MTA3: variants seen among roughly 807,000 people sequenced by gnomAD.
MTA3 encodes metastasis-associated protein MTA3.
In MTA3, 34 loss-of-function variants were observed where a neutral mutation model predicts 83.5. That is an observed-to-expected ratio of 0.41 (90% CI 0.31 to 0.54). MTA3 has a LOEUF of 0.54. MTA3 is among the 20% of genes least tolerant of loss of function. MTA3 has a pLI of 0.33. For synonymous variants in MTA3, 303 were observed against 252.7 expected (o/e 1.20, Z -1.89); for missense variants, 761 against 726.4 (o/e 1.05, Z -0.55).
chr2:42,521,858 G>A (rs1675443816), intron 2 of MTA3, among the ~76,000 whole-genome samples: 1 of 147,938 alleles, frequency 6.8e-6, no homozygotes, highest in Non-Finnish European at 1.5e-5. Flanking sequence ...CGGTTCAAGT[G>A]ATTCTTCTGC....
intron 16 of MTA3, among the ~76,000 whole-genome samples, chr2:42,748,287 A>G (rs1573847421): frequency 6.7e-6 from 1 of 149,698 alleles, no homozygotes; most frequent in Non-Finnish European, 1.5e-5. Context: ...GATGGTTTCC[A>G]TCTCCTGACC....
At chr2:42,606,486 GC>G (rs1355509261) in intron 3 of MTA3, among the ~76,000 whole-genome samples, 1 of 150,970 alleles carries the variant, frequency 6.6e-6, no homozygotes, top group Non-Finnish European at 1.5e-5. Flanking sequence ...ATGATGTGCG[GC>G]CGGGCAGAGA....
chr2:42,514,117 G>A (rs566951235), intron 2 of MTA3, among the ~76,000 whole-genome samples: 2 of 152,254 alleles, frequency 1.3e-5, no homozygotes, highest in South Asian at 4.1e-4. Context: ...GGAGGCTGAG[G>A]CAGGAGAATC....
At chr2:42,500,141 A>G (rs1028335741) in intron 2 of MTA3, among the ~76,000 whole-genome samples, 2 of 151,894 alleles carry the variant, frequency 1.3e-5, no homozygotes, top group Admixed American at 6.6e-5. Context: ...GCTCACGCCT[A>G]TAATCTCAGC....
intron 10 of MTA3, among the ~76,000 whole-genome samples, chr2:42,696,941 A>T (rs1477941078): frequency 6.6e-6 from 1 of 152,212 alleles, no homozygotes; most frequent in Non-Finnish European, 1.5e-5. Flanking sequence ...GTCTCTAAAG[A>T]TGGAGATGAT....
chr2:42,694,999 G>T (rs1340182332), intron 9 of MTA3, among the ~76,000 whole-genome samples: 1 of 151,980 alleles, frequency 6.6e-6, no homozygotes, highest in Non-Finnish European at 1.5e-5. Context: ...GAATTAGCCG[G>T]GCATGGTGTC....
intron 6 of MTA3, among the ~76,000 whole-genome samples, chr2:42,647,168 C>CAAAAAAAAAA (rs751491238): frequency 7.0e-6 from 1 of 143,748 alleles, no homozygotes; most frequent in Non-Finnish European, 1.5e-5. Flanking sequence ...AAAAAAAAAA[C>CAAAAAAAAAA]AAAAAAGAAA....
chr2:42,542,327 G>A (rs890134007), intron 2 of MTA3, among the ~76,000 whole-genome samples: 3 of 152,108 alleles, frequency 2.0e-5, no homozygotes, highest in Admixed American at 1.3e-4. Context: ...TTTCTGTTAC[G>A]TTATAATCCT....
intron 2 of MTA3, among the ~76,000 whole-genome samples, chr2:42,495,737 G>A (rs1674100462): frequency 1.3e-5 from 2 of 152,186 alleles, no homozygotes; most frequent in Admixed American, 6.5e-5. Context: ...GGTTTCCATA[G>A]CAGAAATGGC....
intron 6 of MTA3, among the ~76,000 whole-genome samples, chr2:42,651,414 C>T (rs1688704836): frequency 6.6e-6 from 1 of 152,112 alleles, no homozygotes; most frequent in Non-Finnish European, 1.5e-5. Context: ...TATAAAAACA[C>T]TTAAATATAA....
intron 4 of MTA3, among the ~76,000 whole-genome samples, chr2:42,610,579 T>C (rs531842732): frequency 1.3e-5 from 2 of 152,348 alleles, no homozygotes; most frequent in Non-Finnish European, 2.9e-5. Flanking sequence ...ACGGTGGTTT[T>C]CTATGATCTA....
At chr2:42,533,530 T>C (rs1676079531) in intron 2 of MTA3, 1 of 148,690 alleles carries the variant, frequency 6.7e-6, no homozygotes, top group South Asian at 2.1e-4. Context: ...CTTTTTTTTT[T>C]TTTTTAGGAA....
At chr2:42,684,566 AAC>A (rs1200217380) in intron 9 of MTA3, among the ~76,000 whole-genome samples, 2 of 152,244 alleles carry the variant, frequency 1.3e-5, no homozygotes, top group African/African-American at 2.4e-5. Context: ...TTATTAATAT[AAC>A]AGTTATTAAA....
At chr2:42,555,754 C>A (rs1206566471) in intron 2 of MTA3, among the ~76,000 whole-genome samples, 1 of 151,056 alleles carries the variant, frequency 6.6e-6, no homozygotes, top group Non-Finnish European at 1.5e-5. Flanking sequence ...CGCAACAGAG[C>A]GAGACTCCGT....
chr2:42,605,720 C>G (rs1683231588), intron 3 of MTA3, among the ~76,000 whole-genome samples: 1 of 130,596 alleles, frequency 7.7e-6, no homozygotes, highest in Non-Finnish European at 1.6e-5. Context: ...GGGGCCGACC[C>G]CCCCACCTCC....
At chr2:42,668,371 A>G (rs574881763) in intron 8 of MTA3, among the ~76,000 whole-genome samples, 4 of 152,338 alleles carry the variant, frequency 2.6e-5, no homozygotes, top group African/African-American at 9.6e-5. Flanking sequence ...GGCCCCATAG[A>G]GGCCCTGTCC....
At chr2:42,583,299 C>A (rs762214217) in intron 3 of MTA3, among the ~76,000 whole-genome samples, 1 of 152,032 alleles carries the variant, frequency 6.6e-6, no homozygotes, top group African/African-American at 2.4e-5. Context: ...ACTATATATC[C>A]GGGAATGGTG....
chr2:42,579,087 T>C lies in MTA3; in HGVS notation c.97-20T>C. On this transcript the variant is annotated intron_variant, in intron 2 of 16. Coordinates refer to ENST00000405094, the MANE Select transcript of MTA3 (RefSeq NM_001330442.2). ...CTCTAATATTCAGTGCAAATGACTT[T>C]TATTTTTCTTATCTCTTAGACTGCA... The C allele has an allele frequency of 5.2e-6, 8 of 1,549,240 alleles. No individual in the cohort carries two copies. Among genetic ancestry groups the C allele is most frequent in the Non-Finnish European group, 7.0e-6 (8 of 1,140,040 alleles).
At chr2:42,548,864 A>AT (rs1676920200) in intron 2 of MTA3, among the ~76,000 whole-genome samples, 1 of 29,460 alleles carries the variant, frequency 3.4e-5, no homozygotes, top group African/African-American at 3.0e-4. Flanking sequence ...TATATAATAT[A>AT]TATATATATA....
Sources: allele counts gnomAD v4.1 joint callset (sites outside exome capture counted in the v4.1 genomes callset), GRCh38; gene constraint gnomAD v4.1.1; transcripts MANE v1.5; gene names NCBI Gene and HGNC (gene_info 2026-07-23, HGNC 2026-07-21).